Variants in QSOX2 observed in about 807,000 individuals in gnomAD.
The protein encoded by QSOX2 is quiescin sulfhydryl oxidase 2, also known as sulfhydryl oxidase 2.
Under a neutral mutation model 61.7 loss-of-function variants are expected in QSOX2, and 46 were observed. The observed-to-expected ratio is 0.75, with a 90% CI of 0.59 to 0.95. The LOEUF (loss-of-function observed/expected upper bound fraction) is 0.95, where lower values mean the gene tolerates loss of function less well. Among genes scored for constraint, QSOX2 ranks in the 40% least tolerant of loss-of-function variants. The probability of loss-of-function intolerance (pLI) is 0.00; values close to 1 mark genes in which losing one functional copy is unlikely to be tolerated. For synonymous variants in QSOX2, 383 were observed against 388.4 expected, an observed-to-expected ratio of 0.99 and a Z score of 0.16; for missense variants, 879 against 918.9, an observed-to-expected ratio of 0.96 and a Z score of 0.56.
intron 2 of QSOX2, among the ~76,000 whole-genome samples, chr9:136,225,482 C>T (rs143112967): frequency 1.3e-5 from 2 of 152,392 alleles, no homozygotes; most frequent in Non-Finnish European, 2.9e-5. Context: ...TCACCCATGA[C>T]ACCCACGGCC....
chr9:136,239,591 C>A (rs1830418314), intron 1 of QSOX2, among the ~76,000 whole-genome samples: 1 of 152,360 alleles, frequency 6.6e-6, no homozygotes, highest in East Asian at 1.9e-4. Context: ...TCACGCAGAG[C>A]CCCTGCACAC....
At position 136,219,114 on chromosome 9, in the gene QSOX2, T is replaced by C; in HGVS notation, c.872A>G (p.Asp291Gly). Residue 291 changes from aspartate (D) to glycine (G), a missense_variant, in exon 7 of 12, where the codon GAT becomes GGT. Physicochemically the swap from Asp to Gly is moderately conservative, Grantham distance 94. Coordinates refer to ENST00000358701, the MANE Select transcript of QSOX2 (RefSeq NM_181701.4). Reference protein sequence around the residue: ...FFSSYLKSLPDVRKKSLPLPE... With the variant: ...FFSSYLKSLPGVRKKSLPLPE... ...CAAGGGAAGCGATTTTTTCCTCACA[T>C]CCGGCAATGACTTCAAATAAGACGA... 1 of 1,614,036 alleles carries C rather than the reference T, an allele frequency of 6.2e-7. No homozygotes were observed. Among genetic ancestry groups the C allele is most frequent in the Non-Finnish European group, 8.5e-7 (1 of 1,180,022 alleles).
chr9:136,227,933 CA>C (rs1830297163), intron 1 of QSOX2, among the ~76,000 whole-genome samples: 1 of 152,006 alleles, frequency 6.6e-6, no homozygotes, highest in South Asian at 2.1e-4. Context: ...GAGCCGGCGA[CA>C]GGGGGAGGCT....
Position 136,208,616 on chromosome 9 carries a change from A to T in QSOX2, c.*112T>A. On this transcript the variant is annotated 3_prime_UTR_variant, in exon 12 of 12. Coordinates refer to ENST00000358701, the MANE Select transcript of QSOX2 (RefSeq NM_181701.4). ...GCCAAAAGGTGCCATCCGATGTGAA[A>T]CCAGGCCCGCATGTTTATAAAATCC... 1.5e-6 allele frequency: 2 copies of T among 1,312,844 alleles called. No homozygotes were observed. 81.3% of individuals were successfully genotyped at this position (1,312,844 alleles called of 1,614,324 possible).
chr9:136,226,896 T>C (rs1018355288), intron 1 of QSOX2, 22 bp from the exon 2 acceptor site: 10 of 1,606,060 alleles, frequency 6.2e-6, no homozygotes, highest in Non-Finnish European at 8.5e-6. Flanking sequence ...GAGCATGACC[T>C]TCAGTGTGGT....
In QSOX2 at chr9:136,209,765, T is replaced by G; in HGVS notation, c.1550-490A>C. ...ATGGACAGTGGGCCTTAGGTGCACC[T>G]TCAGGAAAGGGCAGAGGGGCAGCAA... On this transcript the variant is annotated intron_variant, in intron 11 of 11. Transcript: ENST00000358701. The surrounding 1 kb of genome is among the most constrained non-coding windows in gnomAD (Gnocchi z 5.6). 1 of 984,998 alleles carries G rather than the reference T, an allele frequency of 1.0e-6. No homozygotes were observed. The highest frequency in any genetic ancestry group is 1.2e-6 in the Non-Finnish European group (1 of 829,796). 61.0% of individuals were successfully genotyped at this position (984,998 alleles called of 1,614,324 possible). A position where few individuals can be genotyped will look rare whatever the true frequency, so the allele number is the denominator to read the frequency against.
intron 8 of QSOX2, among the ~76,000 whole-genome samples, chr9:136,218,320 TC>T (rs1208888263): frequency 6.6e-6 from 1 of 151,956 alleles, no homozygotes; most frequent in African/African-American, 2.4e-5. Flanking sequence ...CCTCTCTCTC[TC>T]CCCCCAGCCC....
rs782248458 is a variant in QSOX2, at chr9:136,245,596, T to C, written c.208A>G (p.Ser70Gly). The C allele has an allele frequency of 3.2e-6, 5 of 1,573,830 alleles. No homozygotes were observed. In the South Asian group the frequency reaches 4.5e-5, roughly 14 times the overall value. The part of the protein sequence containing the change: ...EDAVWVLDSG[S>G]VRGATANSSA... ...CTGTTGGCGGTGGCCCCGCGCACGC[T>C]GCCGCTGTCCAGCACCCACACGGCG... Residue 70 changes from serine to glycine, a missense_variant, in exon 1 of 12, where the codon AGC (serine) becomes GGC (glycine). Coordinates refer to ENST00000358701, the MANE Select transcript of QSOX2 (RefSeq NM_181701.4).
chr9:136,226,253 C>T (rs1160321855), intron 2 of QSOX2, among the ~76,000 whole-genome samples: 2 of 152,216 alleles, frequency 1.3e-5, no homozygotes, highest in Non-Finnish European at 2.9e-5. Flanking sequence ...ACATGCTATG[C>T]ACGGGCCTGC....
In QSOX2 at chr9:136,208,016, C is replaced by A. The variant is rs1831790625; in HGVS notation, c.*712G>T. The A allele has an allele frequency of 6.6e-6, 1 of 152,230 alleles. No homozygotes were observed. Among genetic ancestry groups the A allele is most frequent in the Non-Finnish European group, 1.5e-5 (1 of 68,050 alleles). 9.4% of individuals were successfully genotyped at this position (152,230 alleles called of 1,614,324 possible). Reference sequence around the variant, plus strand: ...GCCCAAGGCCTCTGGGGGTTATTTTCTGAAACGCAGCACAGCCACAGAATT... The same window carrying A: ...GCCCAAGGCCTCTGGGGGTTATTTTATGAAACGCAGCACAGCCACAGAATT... On this transcript the variant is annotated 3_prime_UTR_variant, in exon 12 of 12. Coordinates refer to ENST00000358701, the MANE Select transcript of QSOX2 (RefSeq NM_181701.4).
intron 8 of QSOX2, among the ~76,000 whole-genome samples, chr9:136,217,593 CTTA>C (rs1422835207): frequency 3.3e-5 from 5 of 152,204 alleles, no homozygotes; most frequent in Non-Finnish European, 5.9e-5. Flanking sequence ...TTAAGAATAA[CTTA>C]TTAATACCCT....
chr9:136,245,251 G>A (rs1251371487), intron 1 of QSOX2, among the ~76,000 whole-genome samples: 3 of 152,180 alleles, frequency 2.0e-5, no homozygotes, highest in Admixed American at 2.0e-4. Context: ...ATCTAACGGG[G>A]ATTAACTGGG....
At position 136,214,916 on chromosome 9, in the gene QSOX2, T is replaced by C. The variant is rs115523966; in HGVS notation, c.1360+238A>G. Among the ~76,000 whole-genome samples the C allele has an allele frequency of 2.8e-3, 426 of 152,354 alleles. 1 individual carries two copies. The highest frequency in any genetic ancestry group is 9.3e-3 in the African/African-American group (388 of 41,584). ...AGCACTCTTTCTTCTTTATGGTTTA[T>C]TTCCTGCACGTTAGCCATGCACATC... On this transcript the variant is annotated intron_variant, in intron 10 of 11. Coordinates refer to ENST00000358701, the MANE Select transcript of QSOX2 (RefSeq NM_181701.4).
chr9:136,219,827 A>C (rs1007991493), intron 6 of QSOX2, among the ~76,000 whole-genome samples: 1 of 152,242 alleles, frequency 6.6e-6, no homozygotes, highest in Non-Finnish European at 1.5e-5. Context: ...ATTTGACACT[A>C]AGAAGTTGTC....
At chr9:136,245,444 T>C (rs1354098282) in intron 1 of QSOX2, 32 bp downstream of exon 1, 7 of 1,546,550 alleles carry the variant, frequency 4.5e-6, no homozygotes, top group Non-Finnish European at 6.1e-6. Context: ...GTCCCGGGGG[T>C]CGGGGGGTCC....
chr9:136,209,264 C>T lies in QSOX2; in HGVS notation c.1561G>A (p.Glu521Lys), dbSNP rs1214214537. The T allele has an allele frequency of 6.2e-7, 1 of 1,612,254 alleles. No individual in the cohort carries two copies. Among genetic ancestry groups the T allele is most frequent in the Non-Finnish European group, 8.5e-7 (1 of 1,178,756 alleles). ...TGAAGCTTTGGAAACCGGGGATCCT[C>T]ACTCAGATGGCCTAGGAAGAAAAGG... ...VNGRLAGHLSEDPRFPKLQWP... is the reference protein window; with the variant it reads ...VNGRLAGHLSKDPRFPKLQWP... Residue 521 changes from glutamate to lysine, a missense_variant, in exon 12 of 12, where the codon GAG (glutamate) becomes AAG (lysine). By Grantham distance (56) the Glu-to-Lys change is moderately conservative. Transcript: ENST00000358701. The surrounding 1 kb of genome is among the most constrained non-coding windows in gnomAD (Gnocchi z 5.6).
In QSOX2 at chr9:136,216,582, G is replaced by C. The variant is rs765614690; in HGVS notation, c.1209+18C>G. ...GGAAGGAGGGTGCAGCGTGGCTGGC[G>C]AGGGTTCTGGGGCTCACCCGCATCT... On this transcript the variant is annotated intron_variant, in intron 9 of 11. Transcript: ENST00000358701. 1 of 1,612,762 alleles carries C rather than the reference G, an allele frequency of 6.2e-7. No individual in the cohort carries two copies. Among genetic ancestry groups the C allele is most frequent in the Admixed American group, 1.7e-5 (1 of 59,988 alleles).
chr9:136,221,758 A>G lies in QSOX2; in HGVS notation c.821+38T>C. The G allele has an allele frequency of 1.3e-6, 2 of 1,553,266 alleles. No individual in the cohort carries two copies. The highest frequency in any genetic ancestry group is 8.7e-7 in the Non-Finnish European group (1 of 1,145,866). ...TCGGAGCCTCTGTCCGGTAACTCCG[A>G]GCGGCACGGAGTTCCCAGACCCCAC... On this transcript the variant is annotated intron_variant, in intron 6 of 11. Transcript: ENST00000358701. The surrounding 1 kb of genome is among the most constrained non-coding windows in gnomAD (Gnocchi z 4.5).
Position 136,208,946 on chromosome 9 carries a change from G to A in QSOX2, c.1879C>T (p.His627Tyr), listed in dbSNP as rs1274562948. 1.9e-6 allele frequency: 3 copies of A among 1,613,720 alleles called. 1 individual carries two copies. Among genetic ancestry groups the A allele is most frequent in the South Asian group, 2.2e-5 (2 of 91,062 alleles). ...CTCTGGAGTTTCCCGTCCAAGCTGT[G>A]ATGCAAGCTCTCTGGAAGGGCAGGC... ...PRPALPESLHHSLDGKLQSLD... is the reference protein window; with the variant it reads ...PRPALPESLHYSLDGKLQSLD... Residue 627 changes from histidine to tyrosine, a missense_variant, in exon 12 of 12, where the codon CAC becomes TAC. Physicochemically the swap from His to Tyr is moderately conservative, Grantham distance 83. Transcript: ENST00000358701.
Sources: gnomAD v4.1 joint callset for allele counts (sites outside exome capture counted in the v4.1 genomes callset) on GRCh38, gnomAD v4.1.1 for gene constraint, Gnocchi (gnomAD v3.1) non-coding constraint, MANE v1.5 for transcripts, NCBI Gene and HGNC (gene_info 2026-07-23, HGNC 2026-07-21) for gene names.